Variants in SAMD4A observed in about 807,000 individuals in gnomAD.
SAMD4A encodes sterile alpha motif domain containing 4A.
A neutral mutation model predicts 81.3 loss-of-function variants in SAMD4A; 33 were observed. That is an observed-to-expected ratio of 0.41 (90% CI 0.31 to 0.54). The LOEUF is 0.54. SAMD4A is among the 20% of genes least tolerant of loss of function. The pLI, the probability that SAMD4A is intolerant of heterozygous loss-of-function variation, is 0.37. For synonymous variants in SAMD4A, 389 were observed against 382.1 expected (o/e 1.02, Z -0.21); for missense variants, 854 against 951.1 (o/e 0.90, Z 1.34).
chr14:54,678,407 T>A (rs964558657), intron 2 of SAMD4A, among the ~76,000 whole-genome samples: 22 of 148,978 alleles, frequency 1.5e-4, no homozygotes, highest in Admixed American at 5.4e-4. Flanking sequence ...CTAATACCAA[T>A]GTGTCGTATT....
At chr14:54,626,047 TGTGTGTGTGTGTGCGCGCGCGCGCGC>T (rs1411949936) in intron 2 of SAMD4A, among the ~76,000 whole-genome samples, 12 of 130,252 alleles carry the variant, frequency 9.2e-5, no homozygotes, top group African/African-American at 3.9e-4. Flanking sequence ...TGTGTGTGTG[TGTGTGTGTGTGTGCGCGCGCGCGCGC>T]GCGAGTGCGC....
chr14:54,652,148 C>T (rs1194345728), intron 2 of SAMD4A, among the ~76,000 whole-genome samples: 2 of 152,226 alleles, frequency 1.3e-5, no homozygotes, highest in Non-Finnish European at 2.9e-5. Context: ...ACATAACCAT[C>T]TAGAATTCTC....
At chr14:54,780,601 A>G (rs1416029245) in intron 11 of SAMD4A, among the ~76,000 whole-genome samples, 1 of 152,192 alleles carries the variant, frequency 6.6e-6, no homozygotes, top group Middle Eastern at 3.2e-3. Flanking sequence ...CTGGCAGACA[A>G]TGGGTAGGGA....
In SAMD4A at chr14:54,748,861, G is replaced by T; in HGVS notation, c.1026G>T (p.Ala342=). ...LKSLRLHKYA[A]LFSQMTYEEM... The stretch of plus-strand genomic sequence containing the variant: ...GCCTCCGCCTGCACAAATATGCCGC[G>T]CTTTTCTCCCAGATGACCTATGAGG... The change falls in exon 5 of 13, where the codon GCG becomes GCT. Residue 342 remains alanine, a synonymous_variant. Transcript: ENST00000554335. The T allele has an allele frequency of 6.4e-7, 1 of 1,555,600 alleles. No homozygotes were observed. Among genetic ancestry groups the T allele is most frequent in the South Asian group, 1.2e-5 (1 of 84,332 alleles).
chr14:54,696,848 A>G (rs1243098983), intron 2 of SAMD4A: 1 of 152,256 alleles, frequency 6.6e-6, no homozygotes, highest in African/African-American at 2.4e-5. Flanking sequence ...ATACAGAGAA[A>G]TAACAAAGAA....
chr14:54,754,138 A>G (rs1479082212), intron 6 of SAMD4A, among the ~76,000 whole-genome samples: 1 of 152,218 alleles, frequency 6.6e-6, no homozygotes, highest in Non-Finnish European at 1.5e-5. Flanking sequence ...GCAGCCTGGC[A>G]GAAGTCAGCA....
chr14:54,624,090 C>G (rs1396445207), intron 2 of SAMD4A, among the ~76,000 whole-genome samples: 7 of 152,156 alleles, frequency 4.6e-5, no homozygotes, highest in Non-Finnish European at 1.0e-4. Flanking sequence ...ATTCACTTGT[C>G]TCAGCCTCCC....
At chr14:54,600,831 G>A (rs1207397777) in intron 2 of SAMD4A, among the ~76,000 whole-genome samples, 1 of 152,176 alleles carries the variant, frequency 6.6e-6, no homozygotes, top group Non-Finnish European at 1.5e-5. Flanking sequence ...AATCTGCAGG[G>A]CGGGTTAGTC....
At chr14:54,660,648 A>T (rs1395332271) in intron 2 of SAMD4A, among the ~76,000 whole-genome samples, 1 of 152,178 alleles carries the variant, frequency 6.6e-6, no homozygotes, top group African/African-American at 2.4e-5. Flanking sequence ...TGTGCTCTGG[A>T]TGGAAGGACT....
chr14:54,578,699 G>A (rs981607492), intron 2 of SAMD4A, among the ~76,000 whole-genome samples: 25 of 152,024 alleles, frequency 1.6e-4, no homozygotes, highest in Non-Finnish European at 2.9e-4. Flanking sequence ...GTGACAGAGC[G>A]AGACTCCATC....
intron 3 of SAMD4A, among the ~76,000 whole-genome samples, chr14:54,722,951 C>T (rs904081035): frequency 1.3e-5 from 2 of 152,158 alleles, no homozygotes; most frequent in Non-Finnish European, 2.9e-5. Context: ...TTGCTCTCTG[C>T]CAATTACCTT....
At chr14:54,698,547 A>G (rs578026285) in intron 2 of SAMD4A, among the ~76,000 whole-genome samples, 4 of 152,240 alleles carry the variant, frequency 2.6e-5, no homozygotes, top group Non-Finnish European at 5.9e-5. Context: ...GGGAGGATTA[A>G]GTGAGTAATT....
At chr14:54,648,634 A>C (rs2035336378) in intron 2 of SAMD4A, among the ~76,000 whole-genome samples, 1 of 152,142 alleles carries the variant, frequency 6.6e-6, no homozygotes, top group Non-Finnish European at 1.5e-5. Flanking sequence ...TGTGACTGGA[A>C]TGGATTGAAC....
At chr14:54,756,728 T>C (rs2038248556) in intron 6 of SAMD4A, among the ~76,000 whole-genome samples, 1 of 152,240 alleles carries the variant, frequency 6.6e-6, no homozygotes, top group Non-Finnish European at 1.5e-5. Context: ...ACACTTCGGC[T>C]GCTCAAGACT....
intron 3 of SAMD4A, among the ~76,000 whole-genome samples, chr14:54,718,475 A>G (rs2037176985): frequency 6.6e-6 from 1 of 152,224 alleles, no homozygotes; most frequent in Non-Finnish European, 1.5e-5. Context: ...CTCTCAAAAT[A>G]GTGTGACTCT....
chr14:54,576,155 A>G (rs2140127536), intron 2 of SAMD4A, among the ~76,000 whole-genome samples: 1 of 151,952 alleles, frequency 6.6e-6, no homozygotes, highest in East Asian at 1.9e-4. Context: ...AAGTGCAGTC[A>G]CTGGAATTTC....
chr14:54,574,067 G>A (rs2033213252), intron 2 of SAMD4A, among the ~76,000 whole-genome samples: 1 of 152,176 alleles, frequency 6.6e-6, no homozygotes. Context: ...CTGACAAAGT[G>A]TATTTGGTAA....
chr14:54,702,697 A>C, intron 3 of SAMD4A, 117 bp downstream of exon 3: 2 of 1,252,258 alleles, frequency 1.6e-6, no homozygotes, highest in Non-Finnish European at 2.2e-6. Context: ...AGAAGGACTG[A>C]TTGGAATTGG....
chr14:54,630,399 A>G, intron 2 of SAMD4A, among the ~76,000 whole-genome samples: 1 of 152,130 alleles, frequency 6.6e-6, no homozygotes, highest in East Asian at 1.9e-4. Flanking sequence ...ATGATATTGC[A>G]TTGTGGTTTT....
Sources: allele counts gnomAD v4.1 joint callset (sites outside exome capture counted in the v4.1 genomes callset), GRCh38; gene constraint gnomAD v4.1.1; transcripts MANE v1.5; gene names NCBI Gene and HGNC (gene_info 2026-07-23, HGNC 2026-07-21).